Variants in SYTL3 observed in about 807,000 individuals in gnomAD.
SYTL3 encodes the protein synaptotagmin-like protein 3.
A neutral mutation model predicts 82.1 loss-of-function variants in SYTL3; 88 were observed. That is an observed-to-expected ratio of 1.07 (90% CI 0.90 to 1.28). SYTL3 has a LOEUF of 1.28. SYTL3 is among the 50% of genes most tolerant of loss of function. The pLI is 0.00. For synonymous variants in SYTL3, 311 were observed against 289.4 expected (o/e 1.07, Z -0.76); for missense variants, 831 against 757.6 (o/e 1.10, Z -1.14).
At chr6:158,714,488 T>C (rs778384917) in intron 9 of SYTL3, among the ~76,000 whole-genome samples, 17 of 152,250 alleles carry the variant, frequency 1.1e-4, no homozygotes, top group Non-Finnish European at 1.8e-4. Context: ...CCTTGGTAAA[T>C]GTATTTTCTT....
At chr6:158,702,684 G>A (rs1276329171) in intron 6 of SYTL3, among the ~76,000 whole-genome samples, 6 of 151,950 alleles carry the variant, frequency 3.9e-5, no homozygotes, top group Non-Finnish European at 7.4e-5. Context: ...TACAGCCCTC[G>A]ACTATCCCCG....
intron 12 of SYTL3, among the ~76,000 whole-genome samples, 170 bp from the exon 13 acceptor site, chr6:158,751,758 C>G (rs1788411868): frequency 6.6e-6 from 1 of 152,202 alleles, no homozygotes; most frequent in East Asian, 1.9e-4. Flanking sequence ...GCCCACCCAG[C>G]ACTAACGTTG....
At chr6:158,747,744 C>T (rs1787860149) in intron 12 of SYTL3, among the ~76,000 whole-genome samples, 1 of 152,188 alleles carries the variant, frequency 6.6e-6, no homozygotes, top group African/African-American at 2.4e-5. Flanking sequence ...ACCTCAGCCT[C>T]CCAAAGCTCT....
intron 12 of SYTL3, among the ~76,000 whole-genome samples, chr6:158,749,504 TCTC>T (rs1300105006): frequency 2.1e-4 from 23 of 108,156 alleles, no homozygotes; most frequent in African/African-American, 9.0e-4. Context: ...CTTTTCTTTC[TCTC>T]TTTTTTTTTT....
intron 12 of SYTL3, among the ~76,000 whole-genome samples, chr6:158,751,305 T>A (rs1788355037): frequency 6.6e-6 from 1 of 151,950 alleles, no homozygotes; most frequent in African/African-American, 2.4e-5. Flanking sequence ...AGAGGAGCCA[T>A]GAAGGGCAGC....
At chr6:158,681,406 G>T (rs1400158900) in intron 5 of SYTL3, among the ~76,000 whole-genome samples, 1 of 152,136 alleles carries the variant, frequency 6.6e-6, no homozygotes, top group Middle Eastern at 3.2e-3. Flanking sequence ...AGACCAGTGG[G>T]CCAAACAGGG....
At chr6:158,668,224 T>C (rs1212932684) in intron 5 of SYTL3, among the ~76,000 whole-genome samples, 1 of 54,540 alleles carries the variant, frequency 1.8e-5, no homozygotes, top group Non-Finnish European at 3.5e-5. Context: ...GAGGGCAGAG[T>C]CTTTTATTTA....
At chr6:158,690,165 TGCAACTCTTG>T (rs1285996351) in intron 6 of SYTL3, among the ~76,000 whole-genome samples, 1 of 152,228 alleles carries the variant, frequency 6.6e-6, no homozygotes, top group Non-Finnish European at 1.5e-5. Flanking sequence ...CTCCTTCACC[TGCAACTCTTG>T]GCAATTTGGC....
intron 15 of SYTL3, among the ~76,000 whole-genome samples, chr6:158,761,765 CCAAACTTCTGGCTACAACTAGACT>C (rs1208926863): frequency 6.6e-6 from 1 of 152,244 alleles, no homozygotes; most frequent in East Asian, 1.9e-4. Context: ...TCACTTTCCC[CCAAACTTCTGGCTACAACTAGACT>C]CAAACTTCGG....
rs1425849495 is a variant in SYTL3 at position 158,758,573 on chromosome 6, C to T, written c.1308+1192C>T. On this transcript the variant is annotated intron_variant, in intron 14 of 17. Transcript: ENST00000611299. The stretch of plus-strand genomic sequence containing the variant: ...CTTTTCCTCTCCGGAGCCAGCGCAG[C>T]TGGGATTCGCATTATCTCTGCCTGG... Among the ~76,000 whole-genome samples, 3 of 152,332 alleles carry T rather than the reference C, an allele frequency of 2.0e-5. No homozygotes were observed. In the East Asian group the frequency reaches 5.8e-4, roughly 29 times the overall value.
chr6:158,745,750 TA>T (rs11432443), intron 12 of SYTL3, 92 bp downstream of exon 12: 1,249 of 796,688 alleles, frequency 1.6e-3, no homozygotes, highest in East Asian at 5.4e-3. Context: ...AGACAATTAT[TA>T]AAAAAAAAAA....
At chr6:158,715,792 C>T (rs1367017357) in intron 9 of SYTL3, among the ~76,000 whole-genome samples, 1 of 152,068 alleles carries the variant, frequency 6.6e-6, no homozygotes, top group Non-Finnish European at 1.5e-5. Context: ...GCCCTTCTCC[C>T]GTCTCTGCCA....
At position 158,718,217 on chromosome 6, in the gene SYTL3, C is replaced by A; in HGVS notation, c.720+6C>A. The A allele has an allele frequency of 6.6e-7, 1 of 1,523,772 alleles. No homozygotes were observed. The allele number at this position is 1,523,772 out of a possible 1,614,324, so 94.4% of individuals were successfully genotyped here. The stretch of plus-strand genomic sequence containing the variant: ...CGGTCAACGTCACCACCAGGGTACC[C>A]TGAGCCCCACAAGGCCTCCACGCTG... On this transcript the variant is annotated splice_donor_region_variant and intron_variant, in intron 10 of 17. Coordinates refer to ENST00000611299, the MANE Select transcript of SYTL3 (RefSeq NM_001242394.2).
chr6:158,742,167 C>G (rs1459832766), intron 11 of SYTL3, among the ~76,000 whole-genome samples: 4 of 152,116 alleles, frequency 2.6e-5, no homozygotes, highest in Non-Finnish European at 5.9e-5. Context: ...AGCAAATAAT[C>G]CATTATTAGC....
chr6:158,686,316 C>T (rs1408267625), intron 6 of SYTL3, among the ~76,000 whole-genome samples: 2 of 152,136 alleles, frequency 1.3e-5, no homozygotes, highest in East Asian at 1.9e-4. Flanking sequence ...TTGCTGATGT[C>T]GTTTCTATCA....
intron 17 of SYTL3, among the ~76,000 whole-genome samples, chr6:158,764,244 G>A (rs890579942): frequency 2.0e-5 from 3 of 152,132 alleles, no homozygotes; most frequent in African/African-American, 4.8e-5. Context: ...CAGAGTCCTC[G>A]CCTCACTTTC....
chr6:158,763,581 G>C (rs1438229784), intron 17 of SYTL3, 72 bp downstream of exon 17: 23 of 1,348,216 alleles, frequency 1.7e-5, no homozygotes, highest in Non-Finnish European at 2.1e-5. Context: ...CAAAGAAAAT[G>C]CTTCCACCAG....
intron 14 of SYTL3, 94 bp from the exon 15 acceptor site, chr6:158,760,546 A>G: frequency 9.6e-7 from 1 of 1,046,726 alleles, no homozygotes. Flanking sequence ...GCCAGGGGGA[A>G]GCATCTGTGG....
chr6:158,679,973 C>T (rs1005366773), intron 5 of SYTL3, among the ~76,000 whole-genome samples: 5 of 152,182 alleles, frequency 3.3e-5, no homozygotes, highest in African/African-American at 4.8e-5. Flanking sequence ...CCAGTGGTAA[C>T]GGGCTGGAGC....
Sources: gnomAD v4.1 joint callset for allele counts (sites outside exome capture counted in the v4.1 genomes callset) on GRCh38, gnomAD v4.1.1 for gene constraint, MANE v1.5 for transcripts, NCBI Gene and HGNC (gene_info 2026-07-23, HGNC 2026-07-21) for gene names.